The following TMEM156 variants were observed in gnomAD, a reference collection of about 807,000 sequenced individuals.
TMEM156 encodes the protein transmembrane protein 156.
In TMEM156, 28 loss-of-function variants were observed where a neutral mutation model predicts 30.5. The ratio of observed to expected loss-of-function variants is 0.92; its 90% CI spans 0.68 to 1.26. The LOEUF (loss-of-function observed/expected upper bound fraction) is 1.26, where lower values mean the gene tolerates loss of function less well. Among genes scored for constraint, TMEM156 ranks in the 50% most tolerant of loss-of-function variants. The pLI, the probability that TMEM156 is intolerant of heterozygous loss-of-function variation, is 0.00. For missense variants in TMEM156, 351 were observed against 340.6 expected (o/e 1.03, Z -0.24); for synonymous variants, 137 against 119.9 (o/e 1.14, Z -0.93).
chr4:39,020,096 T>C (rs1032935805), intron 1 of TMEM156, among the ~76,000 whole-genome samples: 2 of 152,192 alleles, frequency 1.3e-5, no homozygotes, highest in Non-Finnish European at 2.9e-5. Flanking sequence ...TAGCATAGTA[T>C]CCCCCAGATT....
At chr4:38,968,971 G>A (rs1722471044) in intron 6 of TMEM156, among the ~76,000 whole-genome samples, 1 of 152,182 alleles carries the variant, frequency 6.6e-6, no homozygotes, top group Non-Finnish European at 1.5e-5. Context: ...CACATTAGAG[G>A]AAGAGATGAT....
At chr4:39,018,550 G>A (rs1256303118) in intron 1 of TMEM156, among the ~76,000 whole-genome samples, 2 of 152,072 alleles carry the variant, frequency 1.3e-5, no homozygotes, top group Non-Finnish European at 2.9e-5. Flanking sequence ...AACTCTCTGT[G>A]TTGTTTACCT....
At chr4:38,985,344 T>G (rs1249330477) in intron 5 of TMEM156, among the ~76,000 whole-genome samples, 1 of 152,236 alleles carries the variant, frequency 6.6e-6, no homozygotes, top group Non-Finnish European at 1.5e-5. Context: ...GCTTAATACT[T>G]TCACTGCTAA....
chr4:38,990,830 G>GTTTCTTTTTTTTTTTTTTTTTTTTTT (rs1553878600), intron 3 of TMEM156, among the ~76,000 whole-genome samples: 1 of 81,216 alleles, frequency 1.2e-5, no homozygotes, highest in Non-Finnish European at 2.4e-5. Flanking sequence ...TTGTTTTCTG[G>GTTTCTTTTTTTTTTTTTTTTTTTTTT]TTTTTTTTTT....
intron 1 of TMEM156, among the ~76,000 whole-genome samples, chr4:39,027,495 G>C (rs2110071138): frequency 6.6e-6 from 1 of 150,612 alleles, no homozygotes. Flanking sequence ...TTAAAAGAAA[G>C]TGAGGAAGTC....
intron 1 of TMEM156, among the ~76,000 whole-genome samples, chr4:39,011,422 G>A (rs554143623): frequency 1.7e-4 from 26 of 151,956 alleles, no homozygotes; most frequent in South Asian, 4.1e-4. Context: ...AAGATAAATC[G>A]TTCTACCAAA....
At position 39,011,051 on chromosome 4, in the gene TMEM156, T is replaced by G. The variant is rs532769757; in HGVS notation, c.89-12142A>C. 9.2e-5 allele frequency among the ~76,000 whole-genome samples: 14 copies of G among 152,120 alleles called. No individual in the cohort carries two copies. The South Asian group carries it at 2.7e-3, about 29-fold the overall frequency. On this transcript the variant is annotated intron_variant, in intron 1 of 6. Coordinates refer to ENST00000381938, the MANE Select transcript of TMEM156 (RefSeq NM_024943.3). ...CTAATATACAAAATCTATAAGGAAC[T>G]GAAACAAACCAACAAGAAAAAAACC...
intron 5 of TMEM156, among the ~76,000 whole-genome samples, chr4:38,976,669 A>G (rs112216141): frequency 0.017 from 2,522 of 152,354 alleles, 28 homozygotes; most frequent in East Asian, 0.061. Flanking sequence ...TAATAAGTAC[A>G]GTGACTGACA....
chr4:39,031,906 TA>T (rs376802751), intron 1 of TMEM156, among the ~76,000 whole-genome samples: 25 of 67,616 alleles, frequency 3.7e-4, no homozygotes, highest in African/African-American at 1.2e-3. Flanking sequence ...AATAAAAAAA[TA>T]AAAAAAAACT....
Position 38,988,987 on chromosome 4 carries a change from T to C in TMEM156, c.620-17A>G. On this transcript the variant is annotated splice_polypyrimidine_tract_variant and intron_variant, in intron 3 of 6. Coordinates refer to ENST00000381938, the MANE Select transcript of TMEM156 (RefSeq NM_024943.3). ...AAGTGATATCTGTAAAGAAAACAAA[T>C]ACTGTAAAAACCCAGTAAAATTATT... The C allele has an allele frequency of 1.2e-6, 2 of 1,605,044 alleles. No homozygotes were observed. The highest frequency in any genetic ancestry group is 1.7e-6 in the Non-Finnish European group (2 of 1,175,256).
chr4:39,016,364 C>T (rs2110038023), intron 1 of TMEM156, among the ~76,000 whole-genome samples: 1 of 141,912 alleles, frequency 7.0e-6, no homozygotes, highest in African/African-American at 2.6e-5. Context: ...CACAGCAAGA[C>T]TCTGCCTAAA....
At chr4:39,009,251 A>G (rs963149346) in intron 1 of TMEM156, among the ~76,000 whole-genome samples, 2 of 152,148 alleles carry the variant, frequency 1.3e-5, no homozygotes, top group African/African-American at 2.4e-5. Context: ...TGAATCAGTA[A>G]TAAAAAACCT....
chr4:38,976,487 C>T (rs969451965), intron 5 of TMEM156, among the ~76,000 whole-genome samples: 1 of 152,004 alleles, frequency 6.6e-6, no homozygotes, highest in Non-Finnish European at 1.5e-5. Context: ...TGCATAGCAT[C>T]CAGATGGGAA....
At chr4:38,994,646 G>A (rs1712791658) in intron 2 of TMEM156, among the ~76,000 whole-genome samples, 1 of 152,098 alleles carries the variant, frequency 6.6e-6, no homozygotes, top group Non-Finnish European at 1.5e-5. Context: ...TAAACTGGGG[G>A]GTTTAAAGAA....
chr4:39,000,392 A>G (rs979159041), intron 1 of TMEM156, among the ~76,000 whole-genome samples: 2 of 152,148 alleles, frequency 1.3e-5, no homozygotes, highest in African/African-American at 4.8e-5. Flanking sequence ...ACCATGTCTC[A>G]AAAGGAGAAA....
chr4:38,980,020 G>A (rs769935175), intron 5 of TMEM156, among the ~76,000 whole-genome samples: 17 of 152,034 alleles, frequency 1.1e-4, no homozygotes, highest in Admixed American at 6.6e-5. Context: ...AATTATGGCC[G>A]CTTAAAATAG....
chr4:38,979,221 T>C (rs1177741871), intron 5 of TMEM156, among the ~76,000 whole-genome samples: 3 of 152,204 alleles, frequency 2.0e-5, no homozygotes, highest in Non-Finnish European at 4.4e-5. Context: ...CTGGACCAGA[T>C]AGATTCACCG....
At chr4:39,001,688 T>C (rs1300949218) in intron 1 of TMEM156, among the ~76,000 whole-genome samples, 1 of 150,116 alleles carries the variant, frequency 6.7e-6, no homozygotes, top group African/African-American at 2.4e-5. Flanking sequence ...AACAGAGATA[T>C]AGATCAATGG....
intron 5 of TMEM156, among the ~76,000 whole-genome samples, chr4:38,981,961 T>C (rs1174754846): frequency 1.3e-5 from 2 of 152,146 alleles, no homozygotes; most frequent in African/African-American, 4.8e-5. Flanking sequence ...TAATATTGAG[T>C]GTCAACTTGA....
Sources: allele counts gnomAD v4.1 joint callset (sites outside exome capture counted in the v4.1 genomes callset), GRCh38; gene constraint gnomAD v4.1.1; transcripts MANE v1.5; gene names NCBI Gene and HGNC (gene_info 2026-07-23, HGNC 2026-07-21).